NRG1: variants seen among roughly 807,000 people sequenced by gnomAD.
NRG1 encodes pro-neuregulin-1, membrane-bound isoform.
NRG1 carries 18 observed loss-of-function variants against 63.8 expected under a neutral mutation model. The ratio of observed to expected loss-of-function variants is 0.28; its 90% CI spans 0.19 to 0.42. The LOEUF (loss-of-function observed/expected upper bound fraction) is 0.42. Ranked by LOEUF, NRG1 falls within the 10% of genes least tolerant of loss-of-function variation. NRG1 has a pLI of 1.00. For synonymous variants in NRG1, 302 were observed against 301.3 expected (o/e 1.00, Z -0.02); for missense variants, 762 against 814.7 (o/e 0.94, Z 0.79).
intron 1 of NRG1, among the ~76,000 whole-genome samples, chr8:32,116,221 T>C (rs1027097225): frequency 6.6e-6 from 1 of 152,136 alleles, no homozygotes; most frequent in African/African-American, 2.4e-5. Context: ...CTTCTTTTCC[T>C]CCTGTACGAC....
chr8:32,159,646 A>G (rs1015655634), intron 1 of NRG1, among the ~76,000 whole-genome samples: 2 of 152,106 alleles, frequency 1.3e-5, no homozygotes, highest in African/African-American at 4.8e-5. Context: ...CATTTGGTCG[A>G]TGAAAAGTAT....
chr8:32,116,227 A>G (rs1018046143), intron 1 of NRG1, among the ~76,000 whole-genome samples: 3 of 152,040 alleles, frequency 2.0e-5, no homozygotes, highest in Non-Finnish European at 4.4e-5. Context: ...TTCCTCCTGT[A>G]CGACCTAAAA....
At chr8:32,591,627 C>T (rs545744449) in intron 1 of NRG1, among the ~76,000 whole-genome samples, 2 of 152,088 alleles carry the variant, frequency 1.3e-5, no homozygotes, top group South Asian at 2.1e-4. Context: ...TGCAATACCG[C>T]TTGCAGAATT....
At chr8:31,832,304 G>A (rs1004749313) in intron 1 of NRG1, among the ~76,000 whole-genome samples, 9 of 150,060 alleles carry the variant, frequency 6.0e-5, no homozygotes, top group Middle Eastern at 3.2e-3. Context: ...TGTTGCCCAG[G>A]CTGGAGTGCA....
chr8:32,363,374 G>C (rs1807492153), intron 1 of NRG1, among the ~76,000 whole-genome samples: 1 of 152,124 alleles, frequency 6.6e-6, no homozygotes, highest in South Asian at 2.1e-4. Context: ...ACAGATACAA[G>C]GGCTTCTGAT....
chr8:31,820,806 T>G (rs1823930928), intron 1 of NRG1, among the ~76,000 whole-genome samples: 1 of 152,206 alleles, frequency 6.6e-6, no homozygotes, highest in African/African-American at 2.4e-5. Context: ...ATACTTTATC[T>G]TACAAAATAG....
At chr8:32,202,963 G>T (rs999661393) in intron 1 of NRG1, among the ~76,000 whole-genome samples, 1 of 151,708 alleles carries the variant, frequency 6.6e-6, no homozygotes, top group Admixed American at 6.6e-5. Flanking sequence ...TGGAACCCTC[G>T]CCAGGAACTC....
At chr8:31,802,352 G>A (rs1821873514) in intron 1 of NRG1, among the ~76,000 whole-genome samples, 1 of 152,076 alleles carries the variant, frequency 6.6e-6, no homozygotes, top group Non-Finnish European at 1.5e-5. Context: ...GTTCCTCACA[G>A]TGGAGAGAAT....
At chr8:31,700,026 C>T (rs1024107502) in intron 1 of NRG1, among the ~76,000 whole-genome samples, 6 of 152,132 alleles carry the variant, frequency 3.9e-5, no homozygotes, top group African/African-American at 1.2e-4. Context: ...TAGACATAGT[C>T]GATATAGGTG....
intron 1 of NRG1, among the ~76,000 whole-genome samples, chr8:32,499,051 G>A (rs1255017350): frequency 6.6e-6 from 1 of 152,152 alleles, no homozygotes; most frequent in Non-Finnish European, 1.5e-5. Context: ...GTTCCTGAGA[G>A]GTAAGAGACC....
At chr8:31,689,021 C>A (rs1809202837) in intron 1 of NRG1, among the ~76,000 whole-genome samples, 1 of 152,098 alleles carries the variant, frequency 6.6e-6, no homozygotes, top group African/African-American at 2.4e-5. Flanking sequence ...TGACTTCTTC[C>A]TCCATCTTAA....
chr8:32,096,075 A>G (rs1305171130), intron 1 of NRG1, among the ~76,000 whole-genome samples: 2 of 152,196 alleles, frequency 1.3e-5, no homozygotes, highest in African/African-American at 4.8e-5. Context: ...TCAGGTGTGA[A>G]TGATTCCAGC....
intron 1 of NRG1, among the ~76,000 whole-genome samples, chr8:32,211,390 T>C (rs1273464387): frequency 6.6e-6 from 1 of 152,220 alleles, no homozygotes; most frequent in African/African-American, 2.4e-5. Flanking sequence ...AGAATGTCCC[T>C]TGTGCATAAA....
chr8:32,187,744 C>G (rs1349173953), intron 1 of NRG1, among the ~76,000 whole-genome samples: 1 of 147,966 alleles, frequency 6.8e-6, no homozygotes, highest in African/African-American at 2.5e-5. Flanking sequence ...GCAGTCCAGC[C>G]AAGAAAAAAA....
At chr8:31,845,328 G>A (rs940502689) in intron 1 of NRG1, among the ~76,000 whole-genome samples, 1 of 152,044 alleles carries the variant, frequency 6.6e-6, no homozygotes, top group Admixed American at 6.5e-5. Context: ...AGTTCTTTTT[G>A]TCTATTCTTC....
At chr8:31,739,092 T>C (rs1814996110) in intron 1 of NRG1, among the ~76,000 whole-genome samples, 1 of 152,096 alleles carries the variant, frequency 6.6e-6, no homozygotes, top group African/African-American at 2.4e-5. Flanking sequence ...CCAACATAGA[T>C]GCAAAGACGT....
At chr8:31,800,974 G>A (rs1244239248) in intron 1 of NRG1, among the ~76,000 whole-genome samples, 1 of 149,936 alleles carries the variant, frequency 6.7e-6, no homozygotes, top group African/African-American at 2.5e-5. Flanking sequence ...CCAAGTAGCT[G>A]GGACTACAGG....
intron 1 of NRG1, among the ~76,000 whole-genome samples, chr8:31,929,536 CAT>C (rs1194708423): frequency 6.6e-6 from 1 of 151,872 alleles, no homozygotes; most frequent in East Asian, 1.9e-4. Flanking sequence ...TATGTAATGA[CAT>C]ATATATAATA....
intron 1 of NRG1, among the ~76,000 whole-genome samples, chr8:32,108,707 G>A (rs904897280): frequency 1.3e-5 from 2 of 151,846 alleles, no homozygotes; most frequent in Admixed American, 6.6e-5. Context: ...GACGTAATGC[G>A]AACAGGACTC....
Sources: allele counts gnomAD v4.1 joint callset (sites outside exome capture counted in the v4.1 genomes callset), GRCh38; gene constraint gnomAD v4.1.1; transcripts MANE v1.5; gene names NCBI Gene and HGNC (gene_info 2026-07-23, HGNC 2026-07-21).